Variants in SMIM31 observed in about 807,000 individuals in gnomAD.
The protein encoded by SMIM31 is small integral membrane protein 31.
chr4:164,771,768 C>T (rs1732805948), intron 2 of SMIM31, among the ~76,000 whole-genome samples: 1 of 152,092 alleles, frequency 6.6e-6, no homozygotes, highest in Non-Finnish European at 1.5e-5. Context: ...GAGATTGCGC[C>T]ACTGCACTCC....
At chr4:164,786,199 G>T (rs1405641879) in intron 2 of SMIM31, among the ~76,000 whole-genome samples, 1 of 152,142 alleles carries the variant, frequency 6.6e-6, no homozygotes, top group Non-Finnish European at 1.5e-5. Flanking sequence ...GCTAAGGATG[G>T]ATGTTTGTTA....
intron 2 of SMIM31, among the ~76,000 whole-genome samples, chr4:164,795,662 G>C (rs1315900433): frequency 1.3e-5 from 2 of 150,958 alleles, no homozygotes; most frequent in Non-Finnish European, 2.9e-5. Flanking sequence ...CTACTTCACA[G>C]AGTTGTTGGG....
chr4:164,758,392 C>A (rs1369310077), intron 1 of SMIM31, among the ~76,000 whole-genome samples: 1 of 151,984 alleles, frequency 6.6e-6, no homozygotes, highest in Non-Finnish European at 1.5e-5. Flanking sequence ...TTGGCTAAAG[C>A]CTTCAGTGTA....
intron 1 of SMIM31, among the ~76,000 whole-genome samples, chr4:164,757,123 T>C (rs1232359515): frequency 6.6e-6 from 1 of 152,210 alleles, no homozygotes. Flanking sequence ...GGTTAGGCAA[T>C]GCTATCTTAT....
chr4:164,770,690 ATG>A (rs916148831), intron 2 of SMIM31, 135 bp downstream of exon 2: 13 of 393,274 alleles, frequency 3.3e-5, no homozygotes, highest in Admixed American at 1.8e-4. Context: ...GTTTTGTGGC[ATG>A]TGTGTGTGTA....
At chr4:164,785,166 C>T (rs28373804) in intron 2 of SMIM31, among the ~76,000 whole-genome samples, 85,276 of 151,098 alleles carry the variant, frequency 0.56, 24,330 homozygotes, top group African/African-American at 0.62. Flanking sequence ...GCGGAGGTTG[C>T]GGTAAGCAGA....
At chr4:164,765,707 C>T (rs1732711653) in intron 1 of SMIM31, among the ~76,000 whole-genome samples, 1 of 151,288 alleles carries the variant, frequency 6.6e-6, no homozygotes, top group Non-Finnish European at 1.5e-5. Context: ...TAGACTTTTT[C>T]CACAAGGCCT....
intron 2 of SMIM31, among the ~76,000 whole-genome samples, chr4:164,794,533 G>T (rs9994272): frequency 7.2e-5 from 11 of 151,844 alleles, no homozygotes; most frequent in Admixed American, 5.9e-4. Flanking sequence ...AGGGCCAGAC[G>T]CAGTGGCTCA....
chr4:164,758,801 A>ATTT lies in SMIM31; in HGVS notation c.-26+4428_-26+4430dup, dbSNP rs35632469. 5.9e-4 allele frequency among the ~76,000 whole-genome samples: 36 copies of ATTT among 60,910 alleles called. 1 individual carries two copies. Among genetic ancestry groups the ATTT allele is most frequent in the Non-Finnish European group, 8.6e-4 (30 of 34,778 alleles). 40.0% of individuals were successfully genotyped at this position (60,910 alleles called of 152,430 possible). A position where few individuals can be genotyped will look rare whatever the true frequency, so the allele number is the denominator to read the frequency against. ...GGCGCCCGCCACCACGCCCGGCCAAATTTTTTTTTTTTTTTTTTTTTTTTT... is the reference window on the plus strand; with the variant it reads ...GGCGCCCGCCACCACGCCCGGCCAAATTTTTTTTTTTTTTTTTTTTTTTTTTTT... On this transcript the variant is annotated intron_variant, in intron 1 of 2. Coordinates refer to ENST00000507311, the MANE Select transcript of SMIM31 (RefSeq NM_001352885.1).
chr4:164,790,661 C>G (rs897621756), intron 2 of SMIM31, among the ~76,000 whole-genome samples: 13 of 152,040 alleles, frequency 8.6e-5, no homozygotes, highest in African/African-American at 2.4e-4. Context: ...TTTACCAAAC[C>G]TTTACAATAT....
At chr4:164,765,025 C>A (rs780052053) in intron 1 of SMIM31, among the ~76,000 whole-genome samples, 1 of 152,164 alleles carries the variant, frequency 6.6e-6, no homozygotes, top group African/African-American at 2.4e-5. Context: ...AGGGAAAATT[C>A]AATCATTGTA....
chr4:164,788,478 C>CTTTTTCTTTTTTTTTTTTTTT (rs1733056135), intron 2 of SMIM31, among the ~76,000 whole-genome samples: 2 of 58,190 alleles, frequency 3.4e-5, no homozygotes, highest in African/African-American at 1.4e-4. Flanking sequence ...TCTAATTTTT[C>CTTTTTCTTTTTTTTTTTTTTT]TTTTTTTTTT....
At chr4:164,755,149 T>A (rs1036700049) in intron 1 of SMIM31, among the ~76,000 whole-genome samples, 1 of 151,606 alleles carries the variant, frequency 6.6e-6, no homozygotes, top group Non-Finnish European at 1.5e-5. Context: ...CTGAGTGAAG[T>A]CGTATGATTT....
At chr4:164,757,279 T>C (rs1732574623) in intron 1 of SMIM31, among the ~76,000 whole-genome samples, 1 of 152,232 alleles carries the variant, frequency 6.6e-6, no homozygotes, top group Non-Finnish European at 1.5e-5. Flanking sequence ...TTTTTGTTAT[T>C]GAGTTGGAGT....
At chr4:164,787,313 A>T (rs557177922) in intron 2 of SMIM31, 52 of 152,256 alleles carry the variant, frequency 3.4e-4, no homozygotes, top group African/African-American at 1.3e-3. Context: ...CAACACATGC[A>T]CTAAAATTGG....
chr4:164,800,456 C>T (rs1452185531), intron 2 of SMIM31, among the ~76,000 whole-genome samples: 1 of 152,122 alleles, frequency 6.6e-6, no homozygotes, highest in East Asian at 1.9e-4. Flanking sequence ...AATCTGCCCA[C>T]CTCAGCCTCC....
intron 1 of SMIM31, among the ~76,000 whole-genome samples, chr4:164,759,328 C>T (rs1579059318): frequency 6.6e-6 from 1 of 151,882 alleles, no homozygotes; most frequent in African/African-American, 2.4e-5. Flanking sequence ...TGTGAGAGCT[C>T]CTCACAATCT....
At chr4:164,780,294 GC>G (rs1732931297) in intron 2 of SMIM31, among the ~76,000 whole-genome samples, 1 of 152,194 alleles carries the variant, frequency 6.6e-6, no homozygotes, top group Non-Finnish European at 1.5e-5. Context: ...AGGCGTGGTG[GC>G]GCATGCCTGT....
intron 2 of SMIM31, chr4:164,787,333 G>T (rs1229649786): frequency 6.6e-6 from 1 of 151,972 alleles, no homozygotes; most frequent in Non-Finnish European, 1.5e-5. Context: ...GAACGACACA[G>T]AGAAGATTAG....
Sources: gnomAD v4.1 joint callset for allele counts (sites outside exome capture counted in the v4.1 genomes callset) on GRCh38, gnomAD v4.1.1 for gene constraint, MANE v1.5 for transcripts, NCBI Gene and HGNC (gene_info 2026-07-23, HGNC 2026-07-21) for gene names.